The following SEC24B variants were observed in gnomAD, a reference collection of about 807,000 sequenced individuals.
The protein encoded by SEC24B is SEC24 homolog B, COPII component, also known as protein transport protein Sec24B.
A neutral mutation model predicts 142.8 loss-of-function variants in SEC24B; 45 were observed. The ratio of observed to expected loss-of-function variants is 0.32; its 90% CI spans 0.25 to 0.40. The LOEUF (loss-of-function observed/expected upper bound fraction) is 0.40. SEC24B is among the 10% of genes least tolerant of loss of function. The pLI, the probability that SEC24B is intolerant of heterozygous loss-of-function variation, is 1.00. For missense variants in SEC24B, 1,409 were observed against 1,526.8 expected (o/e 0.92, Z 1.29); for synonymous variants, 574 against 568.2 (o/e 1.01, Z -0.15).
chr4:109,466,228 G>T (rs1731845120), intron 2 of SEC24B, among the ~76,000 whole-genome samples: 1 of 152,094 alleles, frequency 6.6e-6, no homozygotes, highest in Admixed American at 6.6e-5. Flanking sequence ...ATATTCCTTG[G>T]AAACCTGTGA....
intron 8 of SEC24B, among the ~76,000 whole-genome samples, chr4:109,510,562 T>C (rs1373061882): frequency 6.6e-6 from 1 of 152,170 alleles, no homozygotes; most frequent in Admixed American, 6.5e-5. Context: ...GGAAGGTAGA[T>C]ACACTTTCGG....
intron 1 of SEC24B, among the ~76,000 whole-genome samples, chr4:109,457,307 C>G (rs937328521): frequency 6.6e-6 from 1 of 152,196 alleles, no homozygotes; most frequent in Admixed American, 6.5e-5. Context: ...GTTGGCAGGT[C>G]TACTTCTTAG....
chr4:109,510,754 ATTCAGGGCT>A (rs1737230623), intron 8 of SEC24B, among the ~76,000 whole-genome samples: 1 of 152,146 alleles, frequency 6.6e-6, no homozygotes, highest in Admixed American at 6.6e-5. Flanking sequence ...AAATAATTTT[ATTCAGGGCT>A]GTTTTATTTG....
intron 9 of SEC24B, among the ~76,000 whole-genome samples, chr4:109,512,726 C>G (rs1288754502): frequency 1.3e-5 from 2 of 150,410 alleles, no homozygotes; most frequent in East Asian, 3.9e-4. Flanking sequence ...CACAATATGG[C>G]TCACTGCAAT....
intron 3 of SEC24B, among the ~76,000 whole-genome samples, chr4:109,477,592 C>G (rs1422847372): frequency 6.6e-6 from 1 of 152,076 alleles, no homozygotes; most frequent in Non-Finnish European, 1.5e-5. Context: ...TCCCAAGGTG[C>G]TCAGATTACA....
At chr4:109,495,417 AT>A (rs1735441935) in intron 6 of SEC24B, among the ~76,000 whole-genome samples, 1 of 152,138 alleles carries the variant, frequency 6.6e-6, no homozygotes, top group South Asian at 2.1e-4. Flanking sequence ...AGCCAGGAAA[AT>A]TTAGGATGCA....
At chr4:109,487,320 GA>G (rs1734475242) in intron 4 of SEC24B, among the ~76,000 whole-genome samples, 1 of 152,114 alleles carries the variant, frequency 6.6e-6, no homozygotes, top group South Asian at 2.1e-4. Flanking sequence ...GTGAAGAAAG[GA>G]AATTATGGCT....
rs1463871079 is a variant in SEC24B, at chr4:109,521,590, A to G, written c.2472A>G (p.Gln824=). 5 of 1,613,738 alleles carry G rather than the reference A, an allele frequency of 3.1e-6. No homozygotes were observed. The highest frequency in any genetic ancestry group is 3.4e-6 in the Non-Finnish European group (4 of 1,179,810). ...CTTCCTTGGGTGCAGGACTTCTGCA[A>G]TCCAGAGAAGATCCTAATCAGAGAT... The part of the protein sequence containing the change: ...QLPSLGAGLL[Q]SREDPNQRSS... Residue 824 remains glutamine, a synonymous_variant, in exon 14 of 24, where the codon CAA becomes CAG. Coordinates refer to ENST00000265175, the MANE Select transcript of SEC24B (RefSeq NM_006323.5).
intron 2 of SEC24B, among the ~76,000 whole-genome samples, chr4:109,470,649 A>G (rs1732418576): frequency 6.6e-6 from 1 of 152,238 alleles, no homozygotes; most frequent in Non-Finnish European, 1.5e-5. Flanking sequence ...GGACAAGTGC[A>G]TGAGTATTCA....
At chr4:109,466,707 G>A (rs1217302965) in intron 2 of SEC24B, among the ~76,000 whole-genome samples, 5 of 152,160 alleles carry the variant, frequency 3.3e-5, no homozygotes, top group Non-Finnish European at 5.9e-5. Flanking sequence ...ACTGCACCCG[G>A]CCAATAGTTT....
At chr4:109,473,207 T>C (rs770976983) in intron 3 of SEC24B, 21 bp downstream of exon 3, 3 of 1,501,452 alleles carry the variant, frequency 2.0e-6, no homozygotes, top group East Asian at 4.9e-5. Context: ...TATTTATTAT[T>C]GTATATGCAC....
chr4:109,539,267 TA>T (rs1039244057), intron 23 of SEC24B, among the ~76,000 whole-genome samples: 5 of 150,868 alleles, frequency 3.3e-5, no homozygotes, highest in African/African-American at 1.2e-4. Flanking sequence ...CGGCCAATTT[TA>T]AAAATTTTTT....
At chr4:109,509,541 G>GTGGC (rs1377950139) in intron 7 of SEC24B, among the ~76,000 whole-genome samples, 1 of 151,990 alleles carries the variant, frequency 6.6e-6, no homozygotes, top group African/African-American at 2.4e-5. Context: ...GCTGGGCATG[G>GTGGC]TGGCAAGCGC....
chr4:109,532,492 G>T, intron 20 of SEC24B, 147 bp from the exon 21 acceptor site: 2 of 600,536 alleles, frequency 3.3e-6, no homozygotes, highest in South Asian at 4.3e-5. Flanking sequence ...TACAGCCAAG[G>T]TGGTAGCATA....
chr4:109,512,103 T>C lies in SEC24B; in HGVS notation c.1903+20T>C. ...ACGATGGTGAGTTTTAGATTCTTAA[T>C]TGTGTTTTAATCCTATTTTCAGGTT... On this transcript the variant is annotated intron_variant, in intron 9 of 23. Coordinates refer to ENST00000265175, the MANE Select transcript of SEC24B (RefSeq NM_006323.5). 1 of 1,586,486 alleles carries C rather than the reference T, an allele frequency of 6.3e-7. No individual in the cohort carries two copies. Among genetic ancestry groups the C allele is most frequent in the Non-Finnish European group, 8.5e-7 (1 of 1,171,040 alleles).
At chr4:109,510,940 T>C (rs1737251810) in intron 8 of SEC24B, among the ~76,000 whole-genome samples, 1 of 152,096 alleles carries the variant, frequency 6.6e-6, no homozygotes. Context: ...AAAGCTTCCT[T>C]GTGAAGCTTA....
chr4:109,450,293 A>G (rs1343220877), intron 1 of SEC24B, among the ~76,000 whole-genome samples: 4 of 152,158 alleles, frequency 2.6e-5, no homozygotes, highest in Admixed American at 6.6e-5. Flanking sequence ...CTTATGTTCA[A>G]ATCACCACAG....
rs757088463 is a variant in SEC24B at position 109,538,541 on chromosome 4, T to C, written c.3637T>C (p.Phe1213Leu). ...DTLSSERARS[F>L]ITWLRDSRPL... is the part of the protein sequence containing the mutation. ...ACTTTCATCAGAAAGAGCCAGATCC[T>C]TCATAACTTGGCTTAGAGACAGCAG... is the stretch of plus-strand genomic sequence containing the variant. Residue 1213 changes from phenylalanine (F) to leucine (L), a missense_variant, in exon 23 of 24, where the codon TTC (phenylalanine) becomes CTC (leucine). This residue lies in a region of SEC24B where 700 missense variants were observed against 853.3 expected (regional missense o/e 0.82). Coordinates refer to ENST00000265175, the MANE Select transcript of SEC24B (RefSeq NM_006323.5). The C allele has an allele frequency of 1.4e-5, 22 of 1,613,338 alleles. No individual in the cohort carries two copies. Among genetic ancestry groups the C allele is most frequent in the Non-Finnish European group, 1.8e-5 (21 of 1,179,464 alleles).
intron 3 of SEC24B, among the ~76,000 whole-genome samples, chr4:109,474,606 G>T (rs887055672): frequency 5.3e-5 from 8 of 151,922 alleles, no homozygotes; most frequent in South Asian, 2.1e-4. Flanking sequence ...TGTATTTTTG[G>T]TGGAGATGGG....
Sources: gnomAD v4.1 joint callset for allele counts (sites outside exome capture counted in the v4.1 genomes callset) on GRCh38, gnomAD v4.1.1 for gene constraint, gnomAD v4.1.1 regional missense constraint, MANE v1.5 for transcripts, NCBI Gene and HGNC (gene_info 2026-07-23, HGNC 2026-07-21) for gene names.